RNF43: variants seen among roughly 807,000 people sequenced by gnomAD.
The protein encoded by RNF43 is E3 ubiquitin-protein ligase RNF43.
A neutral mutation model predicts 78.4 loss-of-function variants in RNF43; 37 were observed. That is an observed-to-expected ratio of 0.47 (90% CI 0.36 to 0.62). The LOEUF (loss-of-function observed/expected upper bound fraction) is 0.62. Ranked by LOEUF, RNF43 falls within the 20% of genes least tolerant of loss-of-function variation. RNF43 has a pLI of 0.00. For missense variants in RNF43, 774 were observed against 1,007.9 expected (o/e 0.77, Z 3.14); for synonymous variants, 347 against 395.0 (o/e 0.88, Z 1.44).
intron 2 of RNF43, among the ~76,000 whole-genome samples, chr17:58,410,549 A>C (rs1249738246): frequency 6.6e-6 from 1 of 152,248 alleles, no homozygotes; most frequent in Admixed American, 6.5e-5. Flanking sequence ...TCAAAACAAA[A>C]TCACAAAATT....
chr17:58,393,063 A>G (rs1973593861), intron 2 of RNF43, among the ~76,000 whole-genome samples: 1 of 152,224 alleles, frequency 6.6e-6, no homozygotes, highest in African/African-American at 2.4e-5. Context: ...GGTGAAGACA[A>G]GGAGGATGAA....
intron 2 of RNF43, among the ~76,000 whole-genome samples, chr17:58,403,167 A>G (rs1175487878): frequency 6.6e-6 from 1 of 152,198 alleles, no homozygotes; most frequent in Non-Finnish European, 1.5e-5. Context: ...ACTCATTTGT[A>G]TCTTACTGAG....
At chr17:58,385,042 G>A (rs1349858703) in intron 2 of RNF43, among the ~76,000 whole-genome samples, 3 of 152,126 alleles carry the variant, frequency 2.0e-5, no homozygotes, top group East Asian at 1.9e-4. Flanking sequence ...ATAAATACGC[G>A]CTTCTTGACT....
chr17:58,354,828 G>T lies in RNF43; in HGVS notation c.*115C>A. The T allele has an allele frequency of 1.0e-6, 1 of 965,486 alleles. No homozygotes were observed. Among genetic ancestry groups the T allele is most frequent in the Non-Finnish European group, 1.7e-6 (1 of 600,290 alleles). The allele number at this position is 965,486 out of a possible 1,614,324, so 59.8% of individuals were successfully genotyped here. On this transcript the variant is annotated 3_prime_UTR_variant, in exon 10 of 10. Transcript: ENST00000407977. ...TCTTCCAGTGCTTCTAGGAAGTACG[G>T]CAAAAAGAATGGTGTTTGCTGTGGT...
intron 3 of RNF43, among the ~76,000 whole-genome samples, chr17:58,370,060 G>GTT (rs56372311): frequency 0.041 from 3,930 of 96,024 alleles, 699 homozygotes; most frequent in African/African-American, 0.13. Flanking sequence ...GAAAATCTGA[G>GTT]TTTTTTTTTT....
intron 2 of RNF43, among the ~76,000 whole-genome samples, chr17:58,397,619 C>T (rs948429497): frequency 6.6e-6 from 1 of 150,538 alleles, no homozygotes; most frequent in Admixed American, 6.6e-5. Context: ...GCCGAGATTG[C>T]ACCATTGCAT....
At chr17:58,386,619 T>C (rs1973443278) in intron 2 of RNF43, among the ~76,000 whole-genome samples, 2 of 152,308 alleles carry the variant, frequency 1.3e-5, no homozygotes, top group Non-Finnish European at 2.9e-5. Flanking sequence ...CCAAAATAAA[T>C]TGGATTACTC....
intron 2 of RNF43, among the ~76,000 whole-genome samples, chr17:58,389,703 G>C (rs957263275): frequency 6.6e-6 from 1 of 152,162 alleles, no homozygotes; most frequent in African/African-American, 2.4e-5. Context: ...ATTAACCAGG[G>C]CATTGAATTG....
intron 2 of RNF43, among the ~76,000 whole-genome samples, chr17:58,412,136 C>A (rs2143683371): frequency 6.6e-6 from 1 of 151,352 alleles, no homozygotes; most frequent in South Asian, 2.1e-4. Flanking sequence ...CAGTGGAAAA[C>A]AAAAGAAAAA....
chr17:58,384,604 T>C (rs1973392888), intron 2 of RNF43, among the ~76,000 whole-genome samples: 1 of 152,218 alleles, frequency 6.6e-6, no homozygotes, highest in Non-Finnish European at 1.5e-5. Flanking sequence ...ATTAGGTAAC[T>C]AAGGCTTGAA....
chr17:58,369,554 C>G (rs914117320), intron 3 of RNF43, among the ~76,000 whole-genome samples: 1 of 152,218 alleles, frequency 6.6e-6, no homozygotes, highest in African/African-American at 2.4e-5. Context: ...TGGGGGCATA[C>G]CCGTGTGTGC....
rs1399776234 is a variant in RNF43, at chr17:58,358,373, G to C, written c.1403C>G (p.Ser468Ter). The change falls in exon 9 of 10, where the codon TCA (serine) becomes TGA (stop). Residue 468 changes from serine (S) to a stop codon, truncating the protein, a stop_gained. Transcript: ENST00000407977. LOFTEE classifies it high-confidence loss of function. The surrounding 1 kb of genome is among the most constrained non-coding windows in gnomAD (Gnocchi z 6.2). ...ACTGGAAGAGCCATGACAGGGCCCT[G>C]AGCTGGAGTCACTGGCTGGCCCATC... The part of the protein sequence containing the change: ...LADGPASDSS[S>*]GPCHGSSSDS... The C allele has an allele frequency of 6.2e-7, 1 of 1,614,162 alleles. No homozygotes were observed. Among genetic ancestry groups the C allele is most frequent in the Middle Eastern group, 1.6e-4 (1 of 6,062 alleles).
At chr17:58,377,590 A>G (rs1166845875) in intron 2 of RNF43, among the ~76,000 whole-genome samples, 2 of 152,162 alleles carry the variant, frequency 1.3e-5, no homozygotes, top group South Asian at 4.2e-4. Flanking sequence ...CCCCTTATCC[A>G]TGGCATCTCC....
At position 58,357,649 on chromosome 17, in the gene RNF43, C is replaced by T. The variant is rs142838983; in HGVS notation, c.2127G>A (p.Arg709=). ...LICGPPGLDK[R]LLPETPGPCY... Reference sequence around the variant, plus strand: ...AGGGGCCTGGGGTTTCTGGTAGCAGCCTCTTGTCCAGGCCTGGAGGTCCAC... The same window carrying T: ...AGGGGCCTGGGGTTTCTGGTAGCAGTCTCTTGTCCAGGCCTGGAGGTCCAC... Residue 709 remains arginine, a synonymous_variant, in exon 9 of 10, where the codon AGG becomes AGA. Transcript: ENST00000407977. The surrounding 1 kb of genome is among the most constrained non-coding windows in gnomAD (Gnocchi z 4.5). 16 of 1,613,588 alleles carry T rather than the reference C, an allele frequency of 9.9e-6. No homozygotes were observed. The highest frequency in any genetic ancestry group is 1.3e-5 in the African/African-American group (1 of 74,864).
At chr17:58,376,116 G>C (rs1052297922) in intron 2 of RNF43, among the ~76,000 whole-genome samples, 1 of 152,194 alleles carries the variant, frequency 6.6e-6, no homozygotes, top group Non-Finnish European at 1.5e-5. Context: ...GGTCCCTGGA[G>C]AAGGACTGAG....
rs777370273 is a variant in RNF43, at chr17:58,363,590, G to A, written c.386C>T (p.Ala129Val). ...GACAGCACTGGCTCCTCGCTCACCC[G>A]CCATCCGAGCCTGCAGAGGCACACA... ...CLSLASKARM[A>V]GERGASAVLF... Residue 129 changes from alanine (A) to valine (V), a missense_variant, in exon 4 of 10, where the codon GCG becomes GTG. Ala to Val is a moderately conservative substitution (Grantham distance 64). Transcript: ENST00000407977. 3.1e-6 allele frequency: 5 copies of A among 1,611,122 alleles called. No individual in the cohort carries two copies. Among genetic ancestry groups the A allele is most frequent in the Admixed American group, 1.7e-5 (1 of 59,894 alleles).
At chr17:58,366,782 G>A (rs538043624) in intron 3 of RNF43, among the ~76,000 whole-genome samples, 176 of 152,242 alleles carry the variant, frequency 1.2e-3, no homozygotes, top group African/African-American at 3.8e-3. Flanking sequence ...TGCCTGGCAC[G>A]GGGTGTTGCT....
Position 58,360,863 on chromosome 17 carries a change from C to G in RNF43, c.769G>C (p.Gly257Arg), listed in dbSNP as rs2143446643. ...CTGCTCCCTGAGTCTGGCCACTCAC[C>G]CCGGGCCTGCCTGCAGCTGGCCTGG... ...RYQASCRQAR[G>R]EWPDSGSSCS... The change falls in exon 7 of 10, where the codon GGT (glycine) becomes CGT (arginine). Residue 257 changes from glycine (G) to arginine (R), a missense_variant. By Grantham distance (125) the Gly-to-Arg change is moderately radical. Coordinates refer to ENST00000407977, the MANE Select transcript of RNF43 (RefSeq NM_017763.6). This position sits in a 1 kb window ranked among gnomAD's most constrained non-coding sequence, Gnocchi z 4.3. 1 of 1,612,636 alleles carries G rather than the reference C, an allele frequency of 6.2e-7. No homozygotes were observed. Among genetic ancestry groups the G allele is most frequent in the Non-Finnish European group, 8.5e-7 (1 of 1,179,234 alleles).
chr17:58,366,765 A>G (rs1028238066), intron 3 of RNF43, among the ~76,000 whole-genome samples: 5 of 152,236 alleles, frequency 3.3e-5, no homozygotes, highest in African/African-American at 1.2e-4. Flanking sequence ...CAAAGCATTT[A>G]TAATAGTGCC....
Sources: gnomAD v4.1 joint callset for allele counts (sites outside exome capture counted in the v4.1 genomes callset) on GRCh38, gnomAD v4.1.1 for gene constraint, Gnocchi (gnomAD v3.1) non-coding constraint, MANE v1.5 for transcripts, NCBI Gene and HGNC (gene_info 2026-07-23, HGNC 2026-07-21) for gene names.